Variants in CBFA2T3 observed in about 807,000 individuals in gnomAD.
The protein encoded by CBFA2T3 is transcriptional corepressor CBFA2T3.
Under a neutral mutation model 58.6 loss-of-function variants are expected in CBFA2T3, and 31 were observed. The ratio of observed to expected loss-of-function variants is 0.53; its 90% CI spans 0.40 to 0.71. The LOEUF is 0.71. Ranked by LOEUF, CBFA2T3 falls within the 30% of genes least tolerant of loss-of-function variation. The pLI is 0.00. For missense variants in CBFA2T3, 1,076 were observed against 963.1 expected (o/e 1.12, Z -1.55); for synonymous variants, 531 against 421.9 (o/e 1.26, Z -3.17).
At chr16:88,891,445 C>A (rs1249010481) in intron 5 of CBFA2T3, among the ~76,000 whole-genome samples, 3 of 152,200 alleles carry the variant, frequency 2.0e-5, no homozygotes, top group African/African-American at 7.2e-5. Flanking sequence ...CGCCTTCCCA[C>A]CCCAGGGTGC....
chr16:88,975,112 G>A (rs965186483), intron 1 of CBFA2T3, among the ~76,000 whole-genome samples: 1 of 46,304 alleles, frequency 2.2e-5, no homozygotes, highest in Non-Finnish European at 5.9e-5. Context: ...TGTGTTAGAG[G>A]CCACCCTGGC....
chr16:88,975,262 T>TGACCTCCAGC (rs1567644186), intron 1 of CBFA2T3, among the ~76,000 whole-genome samples: 1 of 75,380 alleles, frequency 1.3e-5, no homozygotes, highest in Non-Finnish European at 3.4e-5. Context: ...ACCCTCTGTT[T>TGACCTCCAGC]CATGCCTCTA....
intron 1 of CBFA2T3, among the ~76,000 whole-genome samples, chr16:88,903,570 G>A (rs1006818556): frequency 3.9e-5 from 6 of 152,074 alleles, no homozygotes; most frequent in South Asian, 2.1e-4. Context: ...CATCAACACC[G>A]CCTGGCTGCA....
intron 1 of CBFA2T3, among the ~76,000 whole-genome samples, chr16:88,957,080 C>T (rs958224194): frequency 3.9e-5 from 6 of 152,224 alleles, no homozygotes; most frequent in African/African-American, 1.2e-4. Flanking sequence ...CGCTCTCTCC[C>T]GGAACAAAAC....
At chr16:88,900,892 C>G (rs1030909882) in intron 2 of CBFA2T3, among the ~76,000 whole-genome samples, 3 of 152,254 alleles carry the variant, frequency 2.0e-5, no homozygotes, top group African/African-American at 7.2e-5. Context: ...AACCCCTTGC[C>G]AGGGCCAGCA....
chr16:88,933,187 C>G (rs1280666870), intron 1 of CBFA2T3, among the ~76,000 whole-genome samples: 1 of 152,264 alleles, frequency 6.6e-6, no homozygotes. Context: ...GGTGCACCTC[C>G]CGTTTGCCTC....
At chr16:88,891,524 C>T (rs1207158365) in intron 5 of CBFA2T3, among the ~76,000 whole-genome samples, 2 of 152,202 alleles carry the variant, frequency 1.3e-5, no homozygotes, top group African/African-American at 2.4e-5. Context: ...ACTGGCACGT[C>T]GTCAGTGCTC....
intron 5 of CBFA2T3, among the ~76,000 whole-genome samples, chr16:88,891,212 T>C (rs550645721): frequency 6.6e-6 from 1 of 151,828 alleles, no homozygotes; most frequent in Non-Finnish European, 1.5e-5. Flanking sequence ...ACGTATTCTG[T>C]TCCAGTCACA....
At chr16:88,962,662 A>G (rs764317630) in intron 1 of CBFA2T3, among the ~76,000 whole-genome samples, 16 of 152,214 alleles carry the variant, frequency 1.1e-4, no homozygotes, top group Non-Finnish European at 4.4e-5. Flanking sequence ...GGAGACAGCC[A>G]CGTAGCCGGA....
At chr16:88,975,164 ACC>A (rs1386575167) in intron 1 of CBFA2T3, among the ~76,000 whole-genome samples, 2 of 108,072 alleles carry the variant, frequency 1.9e-5, no homozygotes, top group Admixed American at 9.5e-5. Context: ...GTCCACCCTG[ACC>A]CTCTCTGCTC....
intron 1 of CBFA2T3, among the ~76,000 whole-genome samples, chr16:88,944,577 C>T (rs758929790): frequency 2.4e-4 from 37 of 152,196 alleles, no homozygotes; most frequent in Admixed American, 4.6e-4. Flanking sequence ...ACAACTGCAG[C>T]CTTCTGTCCT....
chr16:88,905,564 G>A (rs1402016080), intron 1 of CBFA2T3, among the ~76,000 whole-genome samples: 1 of 151,686 alleles, frequency 6.6e-6, no homozygotes, highest in African/African-American at 2.4e-5. Flanking sequence ...GCCCCCAGAG[G>A]AAATGCCTCT....
chr16:88,898,851 A>G (rs538997760), intron 2 of CBFA2T3, among the ~76,000 whole-genome samples: 1 of 152,344 alleles, frequency 6.6e-6, no homozygotes, highest in South Asian at 2.1e-4. Flanking sequence ...AGGGAGACCC[A>G]AACTCTACTA....
At chr16:88,897,132 G>A (rs1467848890) in intron 3 of CBFA2T3, among the ~76,000 whole-genome samples, 1 of 152,268 alleles carries the variant, frequency 6.6e-6, no homozygotes, top group East Asian at 1.9e-4. Flanking sequence ...GCTCCTTGCT[G>A]TGGGGGCTCC....
At chr16:88,920,187 T>A (rs1295847481) in intron 1 of CBFA2T3, among the ~76,000 whole-genome samples, 1 of 152,234 alleles carries the variant, frequency 6.6e-6, no homozygotes, top group Non-Finnish European at 1.5e-5. Context: ...CGGTGGAATG[T>A]TCTAGGCCCA....
intron 1 of CBFA2T3, among the ~76,000 whole-genome samples, chr16:88,913,166 C>T (rs1185602515): frequency 6.6e-6 from 1 of 152,202 alleles, no homozygotes; most frequent in Non-Finnish European, 1.5e-5. Flanking sequence ...GTCAGATGAC[C>T]CTGAGCCTGG....
At chr16:88,877,419 T>C (rs1189629148) in intron 11 of CBFA2T3, 144 bp from the exon 12 acceptor site, 3 of 679,114 alleles carry the variant, frequency 4.4e-6, no homozygotes, top group Admixed American at 3.0e-5. Context: ...CCTCGGGCCA[T>C]GCTCCAGATA....
intron 1 of CBFA2T3, among the ~76,000 whole-genome samples, chr16:88,963,292 T>TGGGCGCTCGTCTTCTGCCAGGGGG: frequency 6.9e-6 from 1 of 144,246 alleles, no homozygotes; most frequent in African/African-American, 2.6e-5. Context: ...CTGCCAGGGG[T>TGGGCGCTCGTCTTCTGCCAGGGGG]GGGCGCTCAT....
intron 1 of CBFA2T3, among the ~76,000 whole-genome samples, chr16:88,963,907 C>T (rs1253110643): frequency 1.3e-5 from 2 of 152,238 alleles, no homozygotes; most frequent in African/African-American, 4.8e-5. Flanking sequence ...CCCTCTGAGC[C>T]TCTGTCTCTT....
Sources: gnomAD v4.1 joint callset for allele counts (sites outside exome capture counted in the v4.1 genomes callset) on GRCh38, gnomAD v4.1.1 for gene constraint, MANE v1.5 for transcripts, NCBI Gene and HGNC (gene_info 2026-07-23, HGNC 2026-07-21) for gene names.